The following SEC23A variants were observed in gnomAD, a reference collection of about 807,000 sequenced individuals.
SEC23A encodes protein transport protein Sec23A.
SEC23A carries 56 observed loss-of-function variants against 103.7 expected under a neutral mutation model. The observed-to-expected ratio is 0.54, with a 90% confidence interval of 0.44 to 0.67. SEC23A has a LOEUF of 0.67. Among genes scored for constraint, SEC23A ranks in the 30% least tolerant of loss-of-function variants. The probability of loss-of-function intolerance (pLI) is 0.00; values close to 1 mark genes in which losing one functional copy is unlikely to be tolerated. For missense variants in SEC23A, 784 were observed against 936.4 expected, an observed-to-expected ratio of 0.84 and a Z score of 2.12; for synonymous variants, 281 against 293.0, an observed-to-expected ratio of 0.96 and a Z score of 0.42.
At position 39,033,342 on chromosome 14, in the gene SEC23A, G is replaced by C. The variant is rs1465016859; in HGVS notation, c.2209-14C>G. The C allele has an allele frequency of 3.4e-6, 5 of 1,466,848 alleles. No homozygotes were observed. The Admixed American group carries it at 6.8e-5, about 20-fold the overall frequency. 90.9% of individuals were successfully genotyped at this position (1,466,848 alleles called of 1,614,324 possible). ...TGCTCCAGACTCCTAGAGGAAAAAA[G>C]ATATTTGTTATGATTAAAGCATAGG... On this transcript the variant is annotated splice_polypyrimidine_tract_variant and intron_variant, in intron 19 of 19. Transcript: ENST00000307712.
At chr14:39,039,533 C>G (rs1369717446) in intron 18 of SEC23A, 2 of 172,628 alleles carry the variant, frequency 1.2e-5, no homozygotes, top group Admixed American at 1.2e-4. Flanking sequence ...GACAAGTGAT[C>G]CAACATTTTA....
intron 16 of SEC23A, among the ~76,000 whole-genome samples, chr14:39,043,643 T>C (rs946272792): frequency 6.6e-6 from 1 of 152,156 alleles, no homozygotes; most frequent in Non-Finnish European, 1.5e-5. Context: ...AGCCAGAAGA[T>C]TGATCCCTTA....
chr14:39,086,025 G>T, intron 6 of SEC23A, 119 bp from the exon 7 acceptor site: 1 of 893,996 alleles, frequency 1.1e-6, no homozygotes, highest in Non-Finnish European at 1.8e-6. Context: ...CAGACCAATG[G>T]TTCTCAAACT....
chr14:39,095,638 T>C (rs1019734757), intron 2 of SEC23A, among the ~76,000 whole-genome samples: 3 of 152,126 alleles, frequency 2.0e-5, no homozygotes, highest in African/African-American at 4.8e-5. Flanking sequence ...TTGATACACA[T>C]CCAGCACCAC....
intron 19 of SEC23A, among the ~76,000 whole-genome samples, chr14:39,038,772 G>A (rs1885539326): frequency 6.6e-6 from 1 of 152,182 alleles, no homozygotes; most frequent in Non-Finnish European, 1.5e-5. Flanking sequence ...GCATTAAACT[G>A]GAGTCACCAC....
chr14:39,087,172 A>G (rs939879479), intron 5 of SEC23A, among the ~76,000 whole-genome samples, 164 bp from the exon 6 acceptor site: 1 of 152,272 alleles, frequency 6.6e-6, no homozygotes, highest in South Asian at 2.1e-4. Flanking sequence ...GAGATTATCA[A>G]GAAAACAATA....
chr14:39,063,114 G>C (rs1230347680), intron 12 of SEC23A, among the ~76,000 whole-genome samples: 2 of 152,132 alleles, frequency 1.3e-5, no homozygotes, highest in African/African-American at 2.4e-5. Flanking sequence ...GGCGTTTGTA[G>C]GTTTCCCTGC....
At chr14:39,047,469 C>A in intron 15 of SEC23A, 2 of 1,074,424 alleles carry the variant, frequency 1.9e-6, no homozygotes, top group Non-Finnish European at 2.5e-6. Context: ...GGTTATAGAT[C>A]AATCAGCAAT....
At chr14:39,056,224 G>A (rs1886242818) in intron 13 of SEC23A, among the ~76,000 whole-genome samples, 4 of 152,128 alleles carry the variant, frequency 2.6e-5, no homozygotes, top group South Asian at 4.1e-4. Context: ...CCCAGTCTTC[G>A]GATGTTAATC....
At chr14:39,040,406 G>GA (rs1885599087) in intron 18 of SEC23A, 1 of 255,160 alleles carries the variant, frequency 3.9e-6, no homozygotes, top group Non-Finnish European at 7.5e-6. Context: ...ACGGCTTTAA[G>GA]AAAAGTATAT....
At chr14:39,057,819 CTAAG>C (rs1445536157) in intron 13 of SEC23A, among the ~76,000 whole-genome samples, 2 of 152,124 alleles carry the variant, frequency 1.3e-5, no homozygotes, top group African/African-American at 4.8e-5. Context: ...TTCTCTCAAC[CTAAG>C]TAATTCTTGT....
intron 1 of SEC23A, among the ~76,000 whole-genome samples, chr14:39,101,476 G>A (rs1888092788): frequency 6.6e-6 from 1 of 151,902 alleles, no homozygotes; most frequent in Non-Finnish European, 1.5e-5. Context: ...AAATTAGCCA[G>A]GCATGGTGGC....
At chr14:39,077,448 C>A (rs1887073332) in intron 7 of SEC23A, among the ~76,000 whole-genome samples, 1 of 149,890 alleles carries the variant, frequency 6.7e-6, no homozygotes, top group Admixed American at 6.7e-5. Context: ...GAGGCAGAGG[C>A]AGAGAATTGC....
chr14:39,059,881 CCT>C (rs1480105893), intron 13 of SEC23A, among the ~76,000 whole-genome samples: 1 of 152,068 alleles, frequency 6.6e-6, no homozygotes, highest in African/African-American at 2.4e-5. Flanking sequence ...AAAATTTTTC[CCT>C]GACATTTGCA....
rs1303095478 is a variant in SEC23A at position 39,073,699 on chromosome 14, A to G, written c.1103+716T>C. On this transcript the variant is annotated intron_variant, in intron 9 of 19. Transcript: ENST00000307712. ...ATCTCAGCTCACTGCAACCTCTGCCACCCGGGTTCAAGCAATTCTCCTGCC... is the reference window on the plus strand; with the variant it reads ...ATCTCAGCTCACTGCAACCTCTGCCGCCCGGGTTCAAGCAATTCTCCTGCC... Among the ~76,000 whole-genome samples the G allele has an allele frequency of 2.6e-5, 3 of 114,056 alleles. No individual in the cohort carries two copies. The Admixed American group carries it at 3.6e-4, about 14-fold the overall frequency. The allele number at this position is 114,056 out of a possible 152,430, so 74.8% of individuals were successfully genotyped here.
intron 18 of SEC23A, 156 bp downstream of exon 18, chr14:39,040,576 G>C: frequency 1.1e-6 from 1 of 881,352 alleles, no homozygotes; most frequent in Non-Finnish European, 1.8e-6. Flanking sequence ...GCTCTCAAAA[G>C]CTAATGCAAA....
chr14:39,096,801 C>A (rs1023125974), intron 1 of SEC23A, among the ~76,000 whole-genome samples: 2 of 152,104 alleles, frequency 1.3e-5, no homozygotes, highest in Non-Finnish European at 2.9e-5. Flanking sequence ...TTCATATAAA[C>A]AGATTTCAAA....
chr14:39,075,144 C>T (rs1886973559), intron 8 of SEC23A, among the ~76,000 whole-genome samples: 1 of 151,988 alleles, frequency 6.6e-6, no homozygotes, highest in African/African-American at 2.4e-5. Context: ...AACTCTCTTT[C>T]CTAGCTAAAT....
chr14:39,050,461 G>GA (rs1465042251), intron 14 of SEC23A, among the ~76,000 whole-genome samples: 1 of 152,190 alleles, frequency 6.6e-6, no homozygotes, highest in Non-Finnish European at 1.5e-5. Context: ...TGCAGCAAGA[G>GA]AAAACCTGGC....
Sources: gnomAD v4.1 joint callset for allele counts (sites outside exome capture counted in the v4.1 genomes callset) on GRCh38, gnomAD v4.1.1 for gene constraint, MANE v1.5 for transcripts, NCBI Gene and HGNC (gene_info 2026-07-23, HGNC 2026-07-21) for gene names.